The following KIAA1217 variants were observed in gnomAD, a reference collection of about 807,000 sequenced individuals.
The protein encoded by KIAA1217 is sickle tail protein homolog.
KIAA1217 carries 88 observed loss-of-function variants against 163.9 expected under a neutral mutation model. The observed-to-expected ratio is 0.54, with a 90% CI of 0.45 to 0.64. KIAA1217 has a LOEUF of 0.64. Ranked by LOEUF, KIAA1217 falls within the 30% of genes least tolerant of loss-of-function variation. The pLI, the probability that KIAA1217 is intolerant of heterozygous loss-of-function variation, is 0.00. For synonymous variants in KIAA1217, 903 were observed against 923.1 expected (o/e 0.98, Z 0.39); for missense variants, 2,372 against 2,475.0 (o/e 0.96, Z 0.88).
intron 2 of KIAA1217, among the ~76,000 whole-genome samples, chr10:24,149,982 A>C (rs2064526463): frequency 6.6e-6 from 1 of 152,164 alleles, no homozygotes; most frequent in African/African-American, 2.4e-5. Flanking sequence ...AATAAAGCTT[A>C]AAACAGAACT....
At chr10:23,837,036 C>T (rs374682234) in intron 1 of KIAA1217, among the ~76,000 whole-genome samples, 16 of 152,146 alleles carry the variant, frequency 1.1e-4, no homozygotes, top group African/African-American at 3.4e-4. Context: ...CCAAATCTCA[C>T]GTGTCTATAA....
intron 3 of KIAA1217, among the ~76,000 whole-genome samples, chr10:24,425,549 G>T (rs1406666602): frequency 6.6e-6 from 1 of 152,154 alleles, no homozygotes; most frequent in African/African-American, 2.4e-5. Context: ...ATAAAATACA[G>T]TTTTTTCACA....
intron 2 of KIAA1217, among the ~76,000 whole-genome samples, chr10:24,314,048 C>T (rs2043051267): frequency 6.6e-6 from 1 of 151,944 alleles, no homozygotes; most frequent in African/African-American, 2.4e-5. Flanking sequence ...CTATGTTGGT[C>T]AGGTTGGTCT....
intron 2 of KIAA1217, among the ~76,000 whole-genome samples, chr10:24,056,620 A>C (rs370571605): frequency 5.3e-5 from 8 of 152,332 alleles, no homozygotes; most frequent in African/African-American, 1.7e-4. Flanking sequence ...TATTGGAAAG[A>C]AAGCACTTTG....
chr10:24,255,562 G>C, intron 2 of KIAA1217: 1 of 455,964 alleles, frequency 2.2e-6, no homozygotes, highest in African/African-American at 2.0e-5. Context: ...TGTTTCTGCT[G>C]TGGGGGGCCC....
chr10:24,265,390 A>T (rs1421720885), intron 2 of KIAA1217, among the ~76,000 whole-genome samples: 1 of 152,148 alleles, frequency 6.6e-6, no homozygotes. Context: ...CAACACTGTG[A>T]CTTTCATCCT....
intron 2 of KIAA1217, among the ~76,000 whole-genome samples, chr10:24,025,056 T>C (rs1847883174): frequency 6.6e-6 from 1 of 151,748 alleles, no homozygotes; most frequent in Non-Finnish European, 1.5e-5. Context: ...TATTTTATGG[T>C]TCCCACTTTT....
chr10:24,523,940 A>G (rs2071697868), intron 12 of KIAA1217, among the ~76,000 whole-genome samples: 1 of 152,210 alleles, frequency 6.6e-6, no homozygotes, highest in Non-Finnish European at 1.5e-5. Flanking sequence ...GAGATACAGA[A>G]GAGCAAACAG....
intron 3 of KIAA1217, among the ~76,000 whole-genome samples, chr10:24,401,402 C>T (rs555505170): frequency 6.6e-5 from 10 of 152,116 alleles, no homozygotes; most frequent in African/African-American, 2.2e-4. Context: ...CACAACCAAG[C>T]GAGGTTTATT....
At chr10:24,365,133 ATTT>A (rs2050598526) in intron 2 of KIAA1217, among the ~76,000 whole-genome samples, 1 of 152,050 alleles carries the variant, frequency 6.6e-6, no homozygotes, top group Non-Finnish European at 1.5e-5. Flanking sequence ...TTCAGATGAT[ATTT>A]GTCTAAAGCA....
intron 2 of KIAA1217, among the ~76,000 whole-genome samples, chr10:24,271,242 TATC>T (rs975822732): frequency 6.6e-6 from 1 of 152,172 alleles, no homozygotes; most frequent in Non-Finnish European, 1.5e-5. Context: ...AAAGGAAAAA[TATC>T]AACACAGTTT....
intron 1 of KIAA1217, among the ~76,000 whole-genome samples, chr10:23,824,648 AAATAAAAAAAATATAT>A (rs1837796411): frequency 3.6e-5 from 3 of 84,416 alleles, no homozygotes; most frequent in African/African-American, 1.7e-4. Flanking sequence ...AAAAAAAAAA[AAATAAAAAAAATATAT>A]ATATATATAT....
At chr10:23,818,259 T>C (rs933334422) in intron 1 of KIAA1217, among the ~76,000 whole-genome samples, 6 of 143,368 alleles carry the variant, frequency 4.2e-5, no homozygotes, top group African/African-American at 1.5e-4. Flanking sequence ...ATATATTTTA[T>C]ATGTAATATA....
At chr10:23,871,961 C>G (rs540661011) in intron 1 of KIAA1217, among the ~76,000 whole-genome samples, 1 of 152,196 alleles carries the variant, frequency 6.6e-6, no homozygotes, top group Non-Finnish European at 1.5e-5. Context: ...TAAGCACTTG[C>G]AAATTCCTTT....
At chr10:23,775,613 A>G (rs1249704408) in intron 1 of KIAA1217, among the ~76,000 whole-genome samples, 1 of 152,184 alleles carries the variant, frequency 6.6e-6, no homozygotes, top group Non-Finnish European at 1.5e-5. Flanking sequence ...TACAAAATTA[A>G]TGGCCAACGT....
At chr10:23,854,820 G>A (rs1839562475) in intron 1 of KIAA1217, among the ~76,000 whole-genome samples, 1 of 152,116 alleles carries the variant, frequency 6.6e-6, no homozygotes, top group South Asian at 2.1e-4. Flanking sequence ...TGTTTTATCA[G>A]AGTCTAGGAT....
In KIAA1217 at chr10:23,854,528, A is replaced by G. The variant is rs570539260; in HGVS notation, c.-320-152697A>G. On this transcript the variant is annotated intron_variant, in intron 1 of 18. Coordinates refer to the KIAA1217 transcript ENST00000376462. ...GGAGAGTTCTGTAGATGTCTATTAGATCCGCTTGGTGCAGAGCTGAGTTCA... is the reference window on the plus strand; with the variant it reads ...GGAGAGTTCTGTAGATGTCTATTAGGTCCGCTTGGTGCAGAGCTGAGTTCA... 5.4e-3 allele frequency among the ~76,000 whole-genome samples: 823 copies of G among 151,654 alleles called. 6 individuals are homozygous for G. The highest frequency in any genetic ancestry group is 0.019 in the African/African-American group (798 of 41,088).
At chr10:23,918,150 CT>C (rs559699322) in intron 1 of KIAA1217, among the ~76,000 whole-genome samples, 10,469 of 115,790 alleles carry the variant, frequency 0.09, 974 homozygotes, top group African/African-American at 0.26. Flanking sequence ...GTAGCTGGGA[CT>C]TTTTTTTTTT....
chr10:24,186,817 A>G (rs1258194063), intron 2 of KIAA1217, among the ~76,000 whole-genome samples: 2 of 152,124 alleles, frequency 1.3e-5, no homozygotes, highest in African/African-American at 4.8e-5. Context: ...TTGAACCTGG[A>G]AAGCAGAGGC....
Sources: gnomAD v4.1 joint callset for allele counts (sites outside exome capture counted in the v4.1 genomes callset) on GRCh38, gnomAD v4.1.1 for gene constraint, MANE v1.5 for transcripts, NCBI Gene and HGNC (gene_info 2026-07-23, HGNC 2026-07-21) for gene names.